THADA: variants seen among roughly 807,000 people sequenced by gnomAD.
THADA encodes tRNA (32-2'-O)-methyltransferase regulator THADA.
Under a neutral mutation model 219.8 loss-of-function variants are expected in THADA, and 213 were observed. That is an observed-to-expected ratio of 0.97 (90% CI 0.87 to 1.09). The LOEUF is 1.09. THADA is among the 50% of genes least tolerant of loss of function. THADA has a pLI of 0.00. For synonymous variants in THADA, 1,018 were observed against 828.9 expected (o/e 1.23, Z -3.92); for missense variants, 2,956 against 2,311.3 (o/e 1.28, Z -5.72).
At chr2:43,259,873 A>T (rs145082878) in intron 36 of THADA, among the ~76,000 whole-genome samples, 23 of 152,352 alleles carry the variant, frequency 1.5e-4, no homozygotes, top group African/African-American at 5.3e-4. Flanking sequence ...ATTGGCATAC[A>T]CATTTAAATT....
At chr2:43,483,535 G>C (rs1243599528) in intron 26 of THADA, among the ~76,000 whole-genome samples, 1 of 152,060 alleles carries the variant, frequency 6.6e-6, no homozygotes, top group Non-Finnish European at 1.5e-5. Context: ...ATTCTTCACA[G>C]TTAAAAACTT....
intron 29 of THADA, among the ~76,000 whole-genome samples, chr2:43,356,301 T>C (rs1223827846): frequency 1.3e-5 from 2 of 151,998 alleles, no homozygotes; most frequent in African/African-American, 4.8e-5. Context: ...AAGAATCAAA[T>C]GTAAAAAAGA....
intron 35 of THADA, among the ~76,000 whole-genome samples, chr2:43,283,902 G>A (rs1673671604): frequency 1.3e-5 from 2 of 152,250 alleles, no homozygotes; most frequent in South Asian, 4.1e-4. Flanking sequence ...GCCAAGGCTA[G>A]GTGCAGTGGC....
chr2:43,291,890 G>T, intron 33 of THADA, 122 bp from the exon 34 acceptor site: 1 of 948,130 alleles, frequency 1.1e-6, no homozygotes, highest in Non-Finnish European at 1.5e-6. Flanking sequence ...CTACCTCCTG[G>T]TTACAAAAAT....
intron 9 of THADA, 137 bp from the exon 10 acceptor site, chr2:43,577,379 A>G: frequency 1.4e-6 from 1 of 690,196 alleles, no homozygotes; most frequent in South Asian, 2.0e-5. Context: ...AAATACCCAC[A>G]AATGTCATGA....
chr2:43,381,695 C>G (rs1302986410), intron 29 of THADA, among the ~76,000 whole-genome samples: 1 of 151,768 alleles, frequency 6.6e-6, no homozygotes, highest in Non-Finnish European at 1.5e-5. Flanking sequence ...ATTCTTCTGT[C>G]AGCCTCCTGA....
intron 30 of THADA, among the ~76,000 whole-genome samples, chr2:43,329,002 A>C (rs2104490079): frequency 6.6e-6 from 1 of 152,316 alleles, no homozygotes; most frequent in East Asian, 1.9e-4. Flanking sequence ...CTATGTGCGG[A>C]GAATGATGAA....
At chr2:43,234,993 TTTC>T in intron 36 of THADA, among the ~76,000 whole-genome samples, 1 of 149,298 alleles carries the variant, frequency 6.7e-6, no homozygotes, top group South Asian at 2.1e-4. Context: ...TCTTTTTTTT[TTTC>T]TCAGACTGAG....
At chr2:43,578,487 C>T in intron 9 of THADA, 26 bp downstream of exon 9, 5 of 1,559,130 alleles carry the variant, frequency 3.2e-6, no homozygotes, top group Non-Finnish European at 4.4e-6. Context: ...CAATAAAGTA[C>T]AATTCTAAAA....
At chr2:43,253,012 G>C (rs1207117197) in intron 36 of THADA, among the ~76,000 whole-genome samples, 1 of 152,048 alleles carries the variant, frequency 6.6e-6, no homozygotes, top group African/African-American at 2.4e-5. Flanking sequence ...TTCTTGACTT[G>C]ACATTCTTGA....
intron 30 of THADA, among the ~76,000 whole-genome samples, chr2:43,332,316 C>T (rs1023568945): frequency 3.9e-5 from 6 of 152,242 alleles, no homozygotes; most frequent in Non-Finnish European, 5.9e-5. Flanking sequence ...CTGAAGACTT[C>T]CTTGACACCC....
At position 43,340,929 on chromosome 2, in the gene THADA, G is replaced by A. The variant is rs540228347; in HGVS notation, c.4343+3193C>T. Among the ~76,000 whole-genome samples the A allele has an allele frequency of 6.6e-5, 10 of 152,296 alleles. 2 individuals carry two copies. In the East Asian group the frequency reaches 1.9e-3, roughly 29 times the overall value. On this transcript the variant is annotated intron_variant, in intron 30 of 37. Transcript: ENST00000405975. ...AGAACAAGAGGACCTCAGGGACAGG[G>A]CAGGCATGTGACACCGAGGCTTCAT...
intron 35 of THADA, among the ~76,000 whole-genome samples, chr2:43,283,732 A>C (rs1242672119): frequency 6.6e-6 from 1 of 152,252 alleles, no homozygotes; most frequent in Non-Finnish European, 1.5e-5. Flanking sequence ...TTCTAAAAGT[A>C]TACACTCATA....
chr2:43,549,133 A>G (rs930133296), intron 20 of THADA, 77 bp downstream of exon 20: 1 of 1,239,314 alleles, frequency 8.1e-7, no homozygotes, highest in African/African-American at 1.6e-5. Context: ...CCTCTAATTT[A>G]CCATATAAAA....
intron 21 of THADA, among the ~76,000 whole-genome samples, chr2:43,530,586 G>A (rs1196055199): frequency 6.6e-6 from 1 of 152,146 alleles, no homozygotes; most frequent in Non-Finnish European, 1.5e-5. Context: ...AATGAGATGA[G>A]GTTTCTCTAA....
intron 26 of THADA, among the ~76,000 whole-genome samples, chr2:43,475,502 T>C (rs905680408): frequency 6.6e-6 from 1 of 151,488 alleles, no homozygotes; most frequent in Non-Finnish European, 1.5e-5. Flanking sequence ...AAAATCAATG[T>C]GATAATATAG....
At chr2:43,448,919 C>T (rs903791243) in intron 26 of THADA, among the ~76,000 whole-genome samples, 6 of 152,032 alleles carry the variant, frequency 3.9e-5, no homozygotes, top group African/African-American at 9.7e-5. Flanking sequence ...CAAACAAAAC[C>T]CTGCTAGGCA....
rs1342979446 is a variant in THADA at position 43,382,623 on chromosome 2, T to G, written c.4227+15348A>C. Among the ~76,000 whole-genome samples the G allele has an allele frequency of 2.0e-5, 3 of 152,166 alleles. No individual in the cohort carries two copies. In the East Asian group the frequency reaches 5.8e-4, roughly 29 times the overall value. On this transcript the variant is annotated intron_variant, in intron 29 of 37. Coordinates refer to ENST00000405975, the MANE Select transcript of THADA (RefSeq NM_022065.5). ...TAACAGTTATAAAAGAGGAAAATAC[T>G]TAACGATAAAAGGAACAATTCTCCT... is the stretch of plus-strand genomic sequence containing the variant.
intron 28 of THADA, among the ~76,000 whole-genome samples, chr2:43,411,492 C>G (rs1391755275): frequency 6.6e-6 from 1 of 152,120 alleles, no homozygotes; most frequent in Non-Finnish European, 1.5e-5. Flanking sequence ...TTCCCCTCCC[C>G]CCAACTTGAT....
Sources: gnomAD v4.1 joint callset for allele counts (sites outside exome capture counted in the v4.1 genomes callset) on GRCh38, gnomAD v4.1.1 for gene constraint, MANE v1.5 for transcripts, NCBI Gene and HGNC (gene_info 2026-07-23, HGNC 2026-07-21) for gene names.